Variants in NECAB2 observed in about 807,000 individuals in gnomAD.
NECAB2 encodes N-terminal EF-hand calcium binding protein 2.
Under a neutral mutation model 51.9 loss-of-function variants are expected in NECAB2, and 68 were observed. The observed-to-expected ratio is 1.31, with a 90% confidence interval of 1.08 to 1.60. The LOEUF is 1.60. Ranked by LOEUF, NECAB2 falls within the 40% of genes most tolerant of loss-of-function variation. The pLI, the probability that NECAB2 is intolerant of heterozygous loss-of-function variation, is 0.00. For synonymous variants in NECAB2, 329 were observed against 203.5 expected, an observed-to-expected ratio of 1.62 and a Z score of -5.25; for missense variants, 854 against 490.3, an observed-to-expected ratio of 1.74 and a Z score of -7.00.
rs370104141 is a variant in NECAB2, at chr16:84,000,733, C to A, written c.972C>A (p.Ala324=). The change falls in exon 11 of 13, where the codon GCC becomes GCA. Residue 324 remains alanine, a synonymous_variant. Coordinates refer to ENST00000305202, the MANE Select transcript of NECAB2 (RefSeq NM_019065.3). ...CCATCTCCTGTTGCAGCATCACTGCCGTGAGGCTCTCAGATGGCTTCACCT... is the reference window on the plus strand; with the variant it reads ...CCATCTCCTGTTGCAGCATCACTGCAGTGAGGCTCTCAGATGGCTTCACCT... ...TGVRNCFHIT[A]VRLSDGFTFV... The A allele has an allele frequency of 3.7e-6, 6 of 1,613,666 alleles. No homozygotes were observed. Among genetic ancestry groups the A allele is most frequent in the African/African-American group, 1.3e-5 (1 of 74,902 alleles).
chr16:83,967,732 ATGGATGGATGGATGGGAGGG>A (rs1211721116), upstream of NECAB2, among the ~76,000 whole-genome samples: 47 of 127,954 alleles, frequency 3.7e-4, no homozygotes, highest in African/African-American at 1.3e-3. Context: ...GGATGGATGG[ATGGATGGATGGATGGGAGGG>A]TGGATGGATG....
chr16:83,997,608 C>T (rs551233751), intron 9 of NECAB2, among the ~76,000 whole-genome samples: 9 of 150,688 alleles, frequency 6.0e-5, no homozygotes, highest in Admixed American at 2.0e-4. Context: ...CTGCCTCAGC[C>T]TCCTGAGTAG....
chr16:83,983,625 C>G (rs905272171), intron 5 of NECAB2, among the ~76,000 whole-genome samples: 6 of 152,044 alleles, frequency 3.9e-5, no homozygotes, highest in African/African-American at 1.4e-4. Context: ...GGGGTGGATG[C>G]TATTTTTAGA....
At chr16:83,969,192 G>T (rs2084322688) in intron 1 of NECAB2, among the ~76,000 whole-genome samples, 1 of 151,006 alleles carries the variant, frequency 6.6e-6, no homozygotes, top group African/African-American at 2.4e-5. Flanking sequence ...TTACCCCGCG[G>T]GACCGGAGCC....
In NECAB2 at chr16:83,972,144, T is replaced by G. The variant is rs1006735216; in HGVS notation, c.202-7T>G. On this transcript the variant is annotated splice_region_variant and splice_polypyrimidine_tract_variant and intron_variant, in intron 1 of 12. Transcript: ENST00000305202. ...CCCAGGGCTGACTCCGCCTCTCTTT[T>G]CTGCAGATTTTCCGCCGTGCGGACA... is the stretch of plus-strand genomic sequence containing the variant. 6.2e-7 allele frequency: 1 copy of G among 1,613,246 alleles called. No individual in the cohort carries two copies. The highest frequency in any genetic ancestry group is 8.5e-7 in the Non-Finnish European group (1 of 1,180,024).
rs990339584 is a variant in NECAB2 at position 83,994,286 on chromosome 16, C to G, written c.597-16C>G. ...GCCACCGCCATGGTCTGTGTGTGTTCCCATCCAAACTGCAGACAGAACCAC... is the reference window on the plus strand; with the variant it reads ...GCCACCGCCATGGTCTGTGTGTGTTGCCATCCAAACTGCAGACAGAACCAC... On this transcript the variant is annotated splice_polypyrimidine_tract_variant and intron_variant, in intron 6 of 12. Transcript: ENST00000305202. 1 of 1,612,998 alleles carries G rather than the reference C, an allele frequency of 6.2e-7. No homozygotes were observed. Among genetic ancestry groups the G allele is most frequent in the Non-Finnish European group, 8.5e-7 (1 of 1,178,944 alleles).
In NECAB2 at chr16:83,968,487, C is replaced by A; in HGVS notation, c.-162C>A. On this transcript the variant is annotated 5_prime_UTR_variant, in exon 1 of 13. Coordinates refer to ENST00000305202, the MANE Select transcript of NECAB2 (RefSeq NM_019065.3). The stretch of plus-strand genomic sequence containing the variant: ...CACGTGGCTCGGGGTCCGGCCGGCC[C>A]GCCCCCCGGCGCCGGCCAGTCCCCG... The A allele has an allele frequency of 2.3e-6, 1 of 425,830 alleles. No homozygotes were observed. The allele number at this position is 425,830 out of a possible 1,614,324, so 26.4% of individuals were successfully genotyped here. A position where few individuals can be genotyped will look rare whatever the true frequency, so the allele number is the denominator to read the frequency against.
At chr16:83,973,006 G>T (rs781662815) in intron 2 of NECAB2, among the ~76,000 whole-genome samples, 1 of 152,248 alleles carries the variant, frequency 6.6e-6, no homozygotes, top group Non-Finnish European at 1.5e-5. Context: ...GTAAAGTGGG[G>T]CAATAACACT....
At chr16:84,000,883 A>G (rs1178426635) in intron 11 of NECAB2, 82 bp downstream of exon 11, 2 of 1,413,362 alleles carry the variant, frequency 1.4e-6, no homozygotes, top group Non-Finnish European at 2.0e-6. Flanking sequence ...GCATCCTTGG[A>G]GGGGAGGGTA....
At chr16:83,990,468 C>A (rs1208854120) in intron 5 of NECAB2, 26 bp from the exon 6 acceptor site, 2 of 1,612,306 alleles carry the variant, frequency 1.2e-6, no homozygotes, top group African/African-American at 2.7e-5. Flanking sequence ...CCTTTCCCCT[C>A]AGTGCCTCTT....
At chr16:83,973,463 C>T (rs1296081819) in intron 2 of NECAB2, among the ~76,000 whole-genome samples, 1 of 152,176 alleles carries the variant, frequency 6.6e-6, no homozygotes. Flanking sequence ...TCCCAGGCCT[C>T]TGGGGAAGAA....
intron 8 of NECAB2, among the ~76,000 whole-genome samples, chr16:83,996,901 T>C (rs2084708427): frequency 6.6e-6 from 1 of 152,034 alleles, no homozygotes; most frequent in African/African-American, 2.4e-5. Flanking sequence ...GGGGTTATGA[T>C]TTGGGGTGAA....
At position 83,978,445 on chromosome 16, in the gene NECAB2, T is replaced by G; in HGVS notation, c.228T>G (p.Asp76Glu). 1 of 1,613,358 alleles carries G rather than the reference T, an allele frequency of 6.2e-7. No individual in the cohort carries two copies. The highest frequency in any genetic ancestry group is 2.2e-5 in the East Asian group (1 of 44,872). ...LDIFRRADKN[D>E]DGKLSLEEFQ... ...CTTTCTCTGCTTCCTTCCTTGCAGA[T>G]GATGGGAAGCTGTCCTTGGAGGAAT... is the stretch of plus-strand genomic sequence containing the variant. The change falls in exon 3 of 13, where the codon GAT becomes GAG. Residue 76 changes from aspartate (D) to glutamate (E), a missense_variant and splice_region_variant. Coordinates refer to ENST00000305202, the MANE Select transcript of NECAB2 (RefSeq NM_019065.3).
Position 83,972,140 on chromosome 16 carries a change from CTT to C in NECAB2, c.202-8_202-7del. ...CTGGCCCAGGGCTGACTCCGCCTCT[CTT>C]TTCTGCAGATTTTCCGCCGTGCGGA... On this transcript the variant is annotated splice_polypyrimidine_tract_variant and intron_variant, in intron 1 of 12. Coordinates refer to ENST00000305202, the MANE Select transcript of NECAB2 (RefSeq NM_019065.3). 3 of 1,613,338 alleles carry C rather than the reference CTT, an allele frequency of 1.9e-6. No individual in the cohort carries two copies. Among genetic ancestry groups the C allele is most frequent in the Non-Finnish European group, 2.5e-6 (3 of 1,180,018 alleles).
In NECAB2 at chr16:83,988,837, C is replaced by G. The variant is rs79088721; in HGVS notation, c.460-1657C>G. On this transcript the variant is annotated intron_variant, in intron 5 of 12. Transcript: ENST00000305202. ...TTGTCTGAGGCAAGCTCAGTCCCCC[C>G]CCATTATGTAATATACCCATGTAAC... 4.9e-4 allele frequency among the ~76,000 whole-genome samples: 75 copies of G among 152,146 alleles called. No individual in the cohort carries two copies. In the East Asian group the frequency reaches 0.01, roughly 21 times the overall value.
chr16:83,998,412 A>G, intron 10 of NECAB2, 95 bp downstream of exon 10: 2 of 1,165,924 alleles, frequency 1.7e-6, no homozygotes, highest in South Asian at 1.4e-5. Context: ...CCTAAGTAGT[A>G]CAAGTTGCAC....
At chr16:83,981,960 G>T (rs917427622) in intron 5 of NECAB2, among the ~76,000 whole-genome samples, 1 of 152,218 alleles carries the variant, frequency 6.6e-6, no homozygotes, top group Non-Finnish European at 1.5e-5. Context: ...AAGCCAGCCA[G>T]ACCTGGCTGA....
intron 2 of NECAB2, among the ~76,000 whole-genome samples, chr16:83,973,469 A>G (rs1597195255): frequency 6.6e-6 from 1 of 152,114 alleles, no homozygotes; most frequent in Non-Finnish European, 1.5e-5. Context: ...GCCTCTGGGG[A>G]AGAAGGACCA....
intron 10 of NECAB2, among the ~76,000 whole-genome samples, chr16:84,000,040 C>G (rs1382401995): frequency 1.3e-5 from 2 of 148,276 alleles, no homozygotes; most frequent in Non-Finnish European, 2.9e-5. Flanking sequence ...GGATGTGCCA[C>G]CAGGCCCAGC....
Sources: allele counts gnomAD v4.1 joint callset (sites outside exome capture counted in the v4.1 genomes callset), GRCh38; gene constraint gnomAD v4.1.1; transcripts MANE v1.5; gene names NCBI Gene and HGNC (gene_info 2026-07-23, HGNC 2026-07-21).